Variants in CCDC192 observed in about 807,000 individuals in gnomAD.
CCDC192 encodes coiled-coil domain containing 192, also known as coiled-coil domain-containing protein 192.
chr5:127,920,758 T>G (rs1452566316), intron 6 of CCDC192, among the ~76,000 whole-genome samples: 2 of 151,960 alleles, frequency 1.3e-5, no homozygotes, highest in Non-Finnish European at 2.9e-5. Context: ...TGGTCCTTTT[T>G]CTCTTTAAGA....
intron 2 of CCDC192, 94 bp downstream of exon 2, chr5:127,707,854 ATTG>A (rs1332923445): frequency 5.2e-6 from 2 of 387,234 alleles, no homozygotes. Context: ...TTTTCTTGAT[ATTG>A]TTTAGTTTTC....
At chr5:127,919,055 GTATGTGTGTGTGTATA>G (rs1236690763) in intron 6 of CCDC192, among the ~76,000 whole-genome samples, 6 of 146,214 alleles carry the variant, frequency 4.1e-5, no homozygotes, top group African/African-American at 1.6e-4. Context: ...ATCTGTGTGT[GTATGTGTGTGTGTATA>G]TATGTGTGTG....
At chr5:127,862,388 A>T (rs1401612363) in intron 5 of CCDC192, among the ~76,000 whole-genome samples, 1 of 152,162 alleles carries the variant, frequency 6.6e-6, no homozygotes, top group Non-Finnish European at 1.5e-5. Flanking sequence ...AAGCATACAC[A>T]TGCCCACAAG....
intron 6 of CCDC192, among the ~76,000 whole-genome samples, chr5:127,888,243 C>T (rs899104194): frequency 2.0e-5 from 3 of 151,704 alleles, no homozygotes; most frequent in African/African-American, 7.3e-5. Flanking sequence ...TGGTGAAACC[C>T]CACCTCTACT....
chr5:127,730,351 T>G (rs1330727850), intron 2 of CCDC192, among the ~76,000 whole-genome samples: 1 of 151,990 alleles, frequency 6.6e-6, no homozygotes, highest in East Asian at 1.9e-4. Flanking sequence ...ATAGACCAAT[T>G]ACAAGTTCTG....
At chr5:127,763,788 A>G (rs1343189188) in intron 3 of CCDC192, among the ~76,000 whole-genome samples, 2 of 152,146 alleles carry the variant, frequency 1.3e-5, no homozygotes, top group Non-Finnish European at 2.9e-5. Flanking sequence ...AATTATCATT[A>G]ATACACCCCT....
At chr5:127,797,762 TATATATATA>T (rs1561494164) in intron 4 of CCDC192, among the ~76,000 whole-genome samples, 662 of 26,852 alleles carry the variant, frequency 0.025, 13 homozygotes, top group African/African-American at 0.044. Context: ...TATATATATA[TATATATATA>T]TATATATTTA....
At chr5:127,710,907 A>G (rs1751294123) in intron 2 of CCDC192, among the ~76,000 whole-genome samples, 1 of 152,232 alleles carries the variant, frequency 6.6e-6, no homozygotes, top group Non-Finnish European at 1.5e-5. Context: ...GGTGCCAGGT[A>G]GTCCCCATTT....
chr5:127,780,788 C>A (rs370956268), intron 3 of CCDC192, among the ~76,000 whole-genome samples: 1 of 152,116 alleles, frequency 6.6e-6, no homozygotes, highest in African/African-American at 2.4e-5. Context: ...GCTTACTTTG[C>A]TGACTGTTCC....
intron 2 of CCDC192, among the ~76,000 whole-genome samples, chr5:127,724,035 A>G (rs1247636163): frequency 6.6e-6 from 1 of 152,212 alleles, no homozygotes; most frequent in Non-Finnish European, 1.5e-5. Flanking sequence ...TTGCTTCTTC[A>G]AGAAGTTGAT....
intron 5 of CCDC192, among the ~76,000 whole-genome samples, chr5:127,801,335 T>G (rs768012077): frequency 6.6e-6 from 1 of 152,098 alleles, no homozygotes; most frequent in African/African-American, 2.4e-5. Context: ...CATGGAAAGT[T>G]TGGAATTTCT....
chr5:127,917,008 T>TA (rs1465938312), intron 6 of CCDC192, among the ~76,000 whole-genome samples: 1 of 152,248 alleles, frequency 6.6e-6, no homozygotes, highest in African/African-American at 2.4e-5. Flanking sequence ...ACCTGTTCTT[T>TA]AGTGTAGCCT....
intron 3 of CCDC192, chr5:127,786,991 TA>T: frequency 2.7e-6 from 1 of 364,518 alleles, no homozygotes. Context: ...AGATCTGGTC[TA>T]AGCCAATCTG....
At chr5:127,792,613 G>A (rs1441448914) in intron 3 of CCDC192, among the ~76,000 whole-genome samples, 1 of 151,594 alleles carries the variant, frequency 6.6e-6, no homozygotes, top group Non-Finnish European at 1.5e-5. Flanking sequence ...AGGTGAGATG[G>A]GAGGATGGCT....
chr5:127,899,793 A>G (rs1449770316), intron 6 of CCDC192, among the ~76,000 whole-genome samples: 1 of 152,178 alleles, frequency 6.6e-6, no homozygotes, highest in Non-Finnish European at 1.5e-5. Context: ...TTATCTTCGA[A>G]TATTTACCCA....
chr5:127,729,874 T>C (rs1752541406), intron 2 of CCDC192, among the ~76,000 whole-genome samples: 1 of 152,150 alleles, frequency 6.6e-6, no homozygotes. Flanking sequence ...TACAGTAGTG[T>C]TAAGAGGGAA....
chr5:127,712,191 T>C (rs1166952981), intron 2 of CCDC192, among the ~76,000 whole-genome samples: 1 of 152,228 alleles, frequency 6.6e-6, no homozygotes, highest in Non-Finnish European at 1.5e-5. Context: ...TCATTTTTAT[T>C]GCAGAATAGT....
At chr5:127,747,751 C>A (rs369800939) in intron 2 of CCDC192, among the ~76,000 whole-genome samples, 37 of 148,494 alleles carry the variant, frequency 2.5e-4, no homozygotes, top group African/African-American at 8.9e-4. Context: ...TATTTCTCCA[C>A]ATCCTCTCCA....
At chr5:127,781,008 A>T (rs1756184780) in intron 3 of CCDC192, among the ~76,000 whole-genome samples, 1 of 152,222 alleles carries the variant, frequency 6.6e-6, no homozygotes, top group African/African-American at 2.4e-5. Flanking sequence ...ATTTTTGTAT[A>T]AGGTAAGAGA....
Sources: gnomAD v4.1 joint callset for allele counts (sites outside exome capture counted in the v4.1 genomes callset) on GRCh38, gnomAD v4.1.1 for gene constraint, MANE v1.5 for transcripts, NCBI Gene and HGNC (gene_info 2026-07-23, HGNC 2026-07-21) for gene names.